Variants in ZBTB40 observed in about 807,000 individuals in gnomAD.
ZBTB40 encodes the protein zinc finger and BTB domain containing 40.
A neutral mutation model predicts 117.5 loss-of-function variants in ZBTB40; 60 were observed. The observed-to-expected ratio is 0.51, with a 90% CI of 0.41 to 0.63. The LOEUF is 0.63. ZBTB40 is among the 30% of genes least tolerant of loss of function. The pLI, the probability that ZBTB40 is intolerant of heterozygous loss-of-function variation, is 0.00. For missense variants in ZBTB40, 1,287 were observed against 1,498.5 expected, an observed-to-expected ratio of 0.86 and a Z score of 2.33; for synonymous variants, 525 against 577.1, an observed-to-expected ratio of 0.91 and a Z score of 1.29.
chr1:22,482,799 C>A (rs897220459), intron 1 of ZBTB40, among the ~76,000 whole-genome samples: 2 of 152,160 alleles, frequency 1.3e-5, no homozygotes. Context: ...AGGCCGGGTG[C>A]GGTGGCTCAC....
intron 1 of ZBTB40, among the ~76,000 whole-genome samples, chr1:22,477,224 A>C (rs918868482): frequency 2.0e-5 from 3 of 152,124 alleles, no homozygotes; most frequent in African/African-American, 7.2e-5. Flanking sequence ...ATAAATACTT[A>C]AGCTATCAAG....
chr1:22,490,991 G>A (rs1638615051), intron 2 of ZBTB40, among the ~76,000 whole-genome samples: 1 of 152,204 alleles, frequency 6.6e-6, no homozygotes, highest in African/African-American at 2.4e-5. Context: ...CGCCTCCTGG[G>A]TTCAAGCAAT....
rs201069759 is a variant in ZBTB40 at position 22,484,776 on chromosome 1, G to GT, written c.-69-5098dup. On this transcript the variant is annotated intron_variant, in intron 1 of 17. Transcript: ENST00000375647. ...CCATTATGAGTGATGCCAGCTGTAG[G>GT]TTTTTTGTAGATGTTCTTTATGAAG... Among the ~76,000 whole-genome samples the GT allele has an allele frequency of 5.3e-3, 812 of 152,260 alleles. 6 individuals are homozygous for GT. The highest frequency in any genetic ancestry group is 0.019 in the African/African-American group (786 of 41,540).
intron 1 of ZBTB40, among the ~76,000 whole-genome samples, chr1:22,480,144 G>T (rs908146528): frequency 5.9e-5 from 9 of 152,082 alleles, no homozygotes; most frequent in African/African-American, 1.7e-4. Flanking sequence ...GACCTCGAGT[G>T]ATCCACCTGC....
chr1:22,436,287 G>A (rs369375753), intron 1 of ZBTB40, among the ~76,000 whole-genome samples: 1 of 152,050 alleles, frequency 6.6e-6, no homozygotes, highest in Non-Finnish European at 1.5e-5. Context: ...CGAGGCAGGT[G>A]GATCACGAGG....
At chr1:22,507,519 C>G (rs1395381330) in intron 6 of ZBTB40, among the ~76,000 whole-genome samples, 3 of 152,146 alleles carry the variant, frequency 2.0e-5, no homozygotes, top group Non-Finnish European at 2.9e-5. Context: ...TTCAATTTTT[C>G]TTAACTTCCA....
chr1:22,435,778 A>AATAC (rs1226227992), intron 1 of ZBTB40, among the ~76,000 whole-genome samples: 3 of 152,228 alleles, frequency 2.0e-5, no homozygotes, highest in Non-Finnish European at 4.4e-5. Context: ...AAATATTCAT[A>AATAC]ATACAGACTG....
At position 22,513,180 on chromosome 1, in the gene ZBTB40, C is replaced by T; in HGVS notation, c.2668+50C>T. On this transcript the variant is annotated intron_variant, in intron 12 of 17. Transcript: ENST00000375647. This position sits in a 1 kb window ranked among gnomAD's most constrained non-coding sequence, Gnocchi z 4.9. ...TCCTGCAGACTTTCACTGCGAACTG[C>T]CTAAACCCCATTTGGATTAGGTGTG... is the stretch of plus-strand genomic sequence containing the variant. The T allele has an allele frequency of 6.3e-7, 1 of 1,583,826 alleles. No homozygotes were observed. Among genetic ancestry groups the T allele is most frequent in the Non-Finnish European group, 8.6e-7 (1 of 1,162,018 alleles).
At chr1:22,445,658 C>T (rs558670104) in intron 1 of ZBTB40, among the ~76,000 whole-genome samples, 1 of 152,092 alleles carries the variant, frequency 6.6e-6, no homozygotes, top group African/African-American at 2.4e-5. Flanking sequence ...GAGTTCAAGA[C>T]CAGCCTGGCC....
At chr1:22,451,202 C>A (rs1469251216), upstream of ZBTB40, among the ~76,000 whole-genome samples, 2 of 152,224 alleles carry the variant, frequency 1.3e-5, no homozygotes, top group African/African-American at 4.8e-5. Flanking sequence ...CCAAGCCTGT[C>A]CCACAAAGAG....
At chr1:22,509,055 T>G (rs1569865316) in intron 8 of ZBTB40, 45 bp from the exon 9 acceptor site, 1 of 1,613,838 alleles carries the variant, frequency 6.2e-7, no homozygotes, top group South Asian at 1.1e-5. Flanking sequence ...GAAAAAATGG[T>G]GCTCATTGTT....
intron 1 of ZBTB40, among the ~76,000 whole-genome samples, chr1:22,439,271 A>C (rs1311851158): frequency 6.6e-6 from 1 of 152,118 alleles, no homozygotes; most frequent in Non-Finnish European, 1.5e-5. Context: ...ATGATTTATA[A>C]ATGTTTTCTT....
intron 3 of ZBTB40, among the ~76,000 whole-genome samples, chr1:22,492,500 T>A (rs1208713063): frequency 2.0e-5 from 3 of 152,242 alleles, no homozygotes; most frequent in Non-Finnish European, 4.4e-5. Context: ...GAGAGGCTGC[T>A]GGCAGAGTGA....
chr1:22,525,957 G>T (rs1390681176), intron 17 of ZBTB40, among the ~76,000 whole-genome samples: 1 of 152,200 alleles, frequency 6.6e-6, no homozygotes, highest in African/African-American at 2.4e-5. Flanking sequence ...TAGAGTCCGG[G>T]CGCCCCGAGA....
intron 15 of ZBTB40, 86 bp downstream of exon 15, chr1:22,521,744 A>G (rs1639534131): frequency 6.3e-7 from 1 of 1,578,704 alleles, no homozygotes. Context: ...CACTTCTAAT[A>G]GTCTAGTGTG....
At chr1:22,480,229 T>C (rs1286499352) in intron 1 of ZBTB40, among the ~76,000 whole-genome samples, 1 of 151,770 alleles carries the variant, frequency 6.6e-6, no homozygotes, top group African/African-American at 2.4e-5. Flanking sequence ...ATATTCTAGA[T>C]ATCAATTCCT....
intron 1 of ZBTB40, among the ~76,000 whole-genome samples, chr1:22,477,041 C>T (rs970730213): frequency 6.6e-6 from 1 of 152,164 alleles, no homozygotes; most frequent in Non-Finnish European, 1.5e-5. Flanking sequence ...ATATTAGAGA[C>T]TTTTACATTT....
intron 1 of ZBTB40, among the ~76,000 whole-genome samples, chr1:22,438,130 C>G (rs955466926): frequency 6.6e-6 from 1 of 151,850 alleles, no homozygotes; most frequent in Non-Finnish European, 1.5e-5. Flanking sequence ...AACTCCATCT[C>G]GAAAAAAACA....
intron 1 of ZBTB40, among the ~76,000 whole-genome samples, chr1:22,468,465 CTTTTTTTT>C (rs555995462): frequency 1.4e-4 from 7 of 51,724 alleles, no homozygotes; most frequent in South Asian, 5.1e-4. Flanking sequence ...TTAATGTTTC[CTTTTTTTT>C]TTTTTTTTTT....
Sources: gnomAD v4.1 joint callset for allele counts (sites outside exome capture counted in the v4.1 genomes callset) on GRCh38, gnomAD v4.1.1 for gene constraint, Gnocchi (gnomAD v3.1) non-coding constraint, MANE v1.5 for transcripts, NCBI Gene and HGNC (gene_info 2026-07-23, HGNC 2026-07-21) for gene names.